The following HS3ST4 variants were observed in gnomAD, a reference collection of about 807,000 sequenced individuals.
The protein encoded by HS3ST4 is heparan sulfate-glucosamine 3-sulfotransferase 4, also known as heparan sulfate glucosamine 3-O-sulfotransferase 4.
HS3ST4 carries 17 observed loss-of-function variants against 29.2 expected under a neutral mutation model. The ratio of observed to expected loss-of-function variants is 0.58; its 90% CI spans 0.40 to 0.87. The LOEUF is 0.87. HS3ST4 is among the 40% of genes least tolerant of loss of function. The pLI, the probability that HS3ST4 is intolerant of heterozygous loss-of-function variation, is 0.00. For missense variants in HS3ST4, 627 were observed against 634.5 expected (o/e 0.99, Z 0.13); for synonymous variants, 314 against 285.7 (o/e 1.10, Z -1.00).
At chr16:25,802,562 T>C (rs1966949536) in intron 1 of HS3ST4, among the ~76,000 whole-genome samples, 1 of 152,174 alleles carries the variant, frequency 6.6e-6, no homozygotes, top group Non-Finnish European at 1.5e-5. Flanking sequence ...TATTTTGGGC[T>C]ATTTTGATCT....
intron 1 of HS3ST4, among the ~76,000 whole-genome samples, chr16:26,084,192 G>T (rs1175231527): frequency 1.3e-5 from 2 of 152,176 alleles, no homozygotes; most frequent in Non-Finnish European, 2.9e-5. Context: ...CCATCCTTCA[G>T]ATGTCTATGA....
intron 1 of HS3ST4, among the ~76,000 whole-genome samples, chr16:25,810,624 G>A (rs1056857509): frequency 2.0e-5 from 3 of 152,164 alleles, no homozygotes; most frequent in East Asian, 3.8e-4. Flanking sequence ...GTTGTTTGGT[G>A]AGTACACATT....
chr16:26,035,416 T>G (rs954074665), intron 1 of HS3ST4, among the ~76,000 whole-genome samples: 5 of 152,258 alleles, frequency 3.3e-5, no homozygotes, highest in African/African-American at 1.2e-4. Context: ...TCCTCCTAGA[T>G]GTTTCAAAAT....
chr16:25,928,179 T>A (rs1484204952), intron 1 of HS3ST4, among the ~76,000 whole-genome samples: 1 of 141,506 alleles, frequency 7.1e-6, no homozygotes, highest in African/African-American at 2.7e-5. Flanking sequence ...CTGGGCAATA[T>A]AGCAAGACTC....
intron 1 of HS3ST4, among the ~76,000 whole-genome samples, chr16:26,015,751 G>A (rs937907131): frequency 1.3e-5 from 2 of 152,174 alleles, no homozygotes; most frequent in Admixed American, 6.5e-5. Flanking sequence ...AAGGATCTAG[G>A]TGTTACTTCC....
At chr16:25,982,328 C>T (rs185277498) in intron 1 of HS3ST4, among the ~76,000 whole-genome samples, 165 of 152,266 alleles carry the variant, frequency 1.1e-3, no homozygotes, top group South Asian at 3.7e-3. Context: ...TCCAAAAGAC[C>T]CAGGAAGAAA....
intron 1 of HS3ST4, among the ~76,000 whole-genome samples, chr16:25,777,498 G>T (rs12922671): frequency 0.1 from 15,181 of 152,116 alleles, 1,019 homozygotes; most frequent in Non-Finnish European, 0.15. Context: ...GCTGGGCGCG[G>T]TGGCTCGCGC....
chr16:25,859,299 C>A (rs1967614433), intron 1 of HS3ST4, among the ~76,000 whole-genome samples: 1 of 152,156 alleles, frequency 6.6e-6, no homozygotes, highest in African/African-American at 2.4e-5. Context: ...CTACATCAGG[C>A]TATTTCACAC....
At chr16:26,054,571 C>T (rs530807073) in intron 1 of HS3ST4, among the ~76,000 whole-genome samples, 4 of 152,226 alleles carry the variant, frequency 2.6e-5, no homozygotes, top group South Asian at 4.1e-4. Context: ...GGTCCGAAAA[C>T]CATTGGTGCA....
intron 1 of HS3ST4, chr16:25,824,580 A>C (rs1967197820): frequency 6.6e-6 from 1 of 152,172 alleles, no homozygotes; most frequent in South Asian, 2.1e-4. Context: ...AGCATGGGGA[A>C]GACCTGCCCC....
At chr16:25,779,344 A>G (rs1485725062) in intron 1 of HS3ST4, among the ~76,000 whole-genome samples, 1 of 152,268 alleles carries the variant, frequency 6.6e-6, no homozygotes, top group Non-Finnish European at 1.5e-5. Flanking sequence ...ATGTGTTAAC[A>G]GGCTCAGAGA....
intron 1 of HS3ST4, among the ~76,000 whole-genome samples, chr16:25,938,090 G>A (rs965662809): frequency 1.5e-4 from 23 of 152,158 alleles, no homozygotes; most frequent in African/African-American, 5.5e-4. Context: ...TCTACTAGCA[G>A]GTGTTGAAAT....
chr16:25,718,169 A>T (rs1214543379), intron 1 of HS3ST4, among the ~76,000 whole-genome samples: 1 of 152,150 alleles, frequency 6.6e-6, no homozygotes, highest in Non-Finnish European at 1.5e-5. Flanking sequence ...TGTTCAGCAC[A>T]CCCTATACCC....
chr16:25,928,889 G>A (rs1240216423), intron 1 of HS3ST4, among the ~76,000 whole-genome samples: 1 of 152,138 alleles, frequency 6.6e-6, no homozygotes, highest in Admixed American at 6.5e-5. Flanking sequence ...CTGCTGCTGT[G>A]GTAGGAATGG....
At chr16:26,078,427 C>T (rs1184741827) in intron 1 of HS3ST4, among the ~76,000 whole-genome samples, 1 of 152,132 alleles carries the variant, frequency 6.6e-6, no homozygotes, top group Non-Finnish European at 1.5e-5. Context: ...GGATTACAGG[C>T]GTGAGCCACC....
At chr16:25,958,455 C>T (rs950784785) in intron 1 of HS3ST4, among the ~76,000 whole-genome samples, 2 of 152,032 alleles carry the variant, frequency 1.3e-5, no homozygotes, top group Admixed American at 1.3e-4. Flanking sequence ...CTCAGCCTCC[C>T]GAGTAGCTGG....
chr16:26,121,353 T>C (rs939894441), intron 1 of HS3ST4, among the ~76,000 whole-genome samples: 1 of 152,078 alleles, frequency 6.6e-6, no homozygotes, highest in Admixed American at 6.5e-5. Context: ...GAAAGGCAGG[T>C]GGAACAAAGT....
chr16:25,931,975 C>T (rs1027698428), intron 1 of HS3ST4, among the ~76,000 whole-genome samples: 1 of 152,054 alleles, frequency 6.6e-6, no homozygotes, highest in African/African-American at 2.4e-5. Flanking sequence ...CTGAATTTCC[C>T]TGGGCTGGAG....
At position 26,069,563 on chromosome 16, in the gene HS3ST4, T is replaced by A. The variant is rs992164259; in HGVS notation, c.735-66049T>A. On this transcript the variant is annotated intron_variant, in intron 1 of 1. Transcript: ENST00000331351. ...GTAAATTCTTTTATATATATATATT[T>A]TTTTTTATTATACTTTAAGTTCTAG... is the stretch of plus-strand genomic sequence containing the variant. 4.9e-3 allele frequency among the ~76,000 whole-genome samples: 745 copies of A among 151,232 alleles called. 6 individuals are homozygous for A. Among genetic ancestry groups the A allele is most frequent in the African/African-American group, 0.017 (716 of 41,304 alleles).
Sources: gnomAD v4.1 joint callset for allele counts (sites outside exome capture counted in the v4.1 genomes callset) on GRCh38, gnomAD v4.1.1 for gene constraint, MANE v1.5 for transcripts, NCBI Gene and HGNC (gene_info 2026-07-23, HGNC 2026-07-21) for gene names.